CAB39: variants seen among roughly 807,000 people sequenced by gnomAD.
CAB39 encodes the protein calcium-binding protein 39.
In CAB39, 8 loss-of-function variants were observed where a neutral mutation model predicts 40.0. That is an observed-to-expected ratio of 0.20 (90% CI 0.12 to 0.36). CAB39 has a LOEUF of 0.36. CAB39 is among the 10% of genes least tolerant of loss of function. The pLI is 1.00. For synonymous variants in CAB39, 156 were observed against 141.6 expected, an observed-to-expected ratio of 1.10 and a Z score of -0.72; for missense variants, 270 against 401.1, an observed-to-expected ratio of 0.67 and a Z score of 2.79.
chr2:230,763,745 C>T (rs1354744947), intron 2 of CAB39, among the ~76,000 whole-genome samples: 2 of 152,164 alleles, frequency 1.3e-5, no homozygotes, highest in Non-Finnish European at 2.9e-5. Context: ...CATTAAACTA[C>T]ATGAATGAAC....
chr2:230,738,264 A>G (rs1694820944), intron 1 of CAB39, among the ~76,000 whole-genome samples: 1 of 152,198 alleles, frequency 6.6e-6, no homozygotes, highest in Non-Finnish European at 1.5e-5. Context: ...CCTAGCGAAT[A>G]TGTACCACTT....
intron 2 of CAB39, among the ~76,000 whole-genome samples, chr2:230,787,083 T>C (rs1695806827): frequency 6.6e-6 from 1 of 152,184 alleles, no homozygotes; most frequent in African/African-American, 2.4e-5. Context: ...TAGATATTAG[T>C]GTAGGTGTAG....
rs374525852 is a variant in CAB39 at position 230,800,929 on chromosome 2, A to G, written c.567+2032A>G. On this transcript the variant is annotated intron_variant, in intron 5 of 8. Coordinates refer to ENST00000258418, the MANE Select transcript of CAB39 (RefSeq NM_016289.4). ...GAGAAAATGGCAGTGATGGATCGCTATGGGTAAAGCAGCCCTATCAGGTCA... is the reference window on the plus strand; with the variant it reads ...GAGAAAATGGCAGTGATGGATCGCTGTGGGTAAAGCAGCCCTATCAGGTCA... Among the ~76,000 whole-genome samples the G allele has an allele frequency of 1.5e-4, 23 of 152,070 alleles. No homozygotes were observed. In the South Asian group the frequency reaches 4.4e-3, roughly 29 times the overall value.
chr2:230,760,739 A>T (rs1695275000), intron 2 of CAB39, among the ~76,000 whole-genome samples: 2 of 152,054 alleles, frequency 1.3e-5, no homozygotes, highest in Non-Finnish European at 2.9e-5. Flanking sequence ...ACAGTCCAAA[A>T]CCCAACTTTC....
intron 5 of CAB39, among the ~76,000 whole-genome samples, chr2:230,803,722 A>G (rs1696135632): frequency 6.6e-6 from 1 of 152,252 alleles, no homozygotes; most frequent in South Asian, 2.1e-4. Context: ...TTCAAGGAGA[A>G]CTACAAACCA....
At chr2:230,809,578 A>G (rs539229707) in intron 5 of CAB39, among the ~76,000 whole-genome samples, 46 of 152,328 alleles carry the variant, frequency 3.0e-4, no homozygotes, top group African/African-American at 1.1e-3. Context: ...CCTAGCACCT[A>G]GAGTTTTACC....
At chr2:230,741,226 A>G (rs1694871555) in intron 1 of CAB39, among the ~76,000 whole-genome samples, 1 of 152,248 alleles carries the variant, frequency 6.6e-6, no homozygotes, top group South Asian at 2.1e-4. Flanking sequence ...TCTCATTCCC[A>G]GACACCACAC....
intron 1 of CAB39, among the ~76,000 whole-genome samples, chr2:230,757,663 T>A (rs1348117270): frequency 6.6e-6 from 1 of 152,180 alleles, no homozygotes; most frequent in Non-Finnish European, 1.5e-5. Context: ...CATAGCACCG[T>A]AACACTTCCT....
chr2:230,755,907 G>C (rs1695180119), intron 1 of CAB39, among the ~76,000 whole-genome samples: 1 of 152,176 alleles, frequency 6.6e-6, no homozygotes, highest in African/African-American at 2.4e-5. Context: ...CTTCCAACTT[G>C]GGCATCTCCA....
chr2:230,805,229 A>T (rs1033203296), intron 5 of CAB39, among the ~76,000 whole-genome samples: 1 of 151,652 alleles, frequency 6.6e-6, no homozygotes, highest in Non-Finnish European at 1.5e-5. Context: ...GGCGGGGAAC[A>T]TCAAACACCG....
At chr2:230,785,843 C>T (rs1221124599) in intron 2 of CAB39, among the ~76,000 whole-genome samples, 4 of 151,710 alleles carry the variant, frequency 2.6e-5, no homozygotes, top group Admixed American at 2.0e-4. Context: ...CCACCACACT[C>T]AGCTAACTTT....
At chr2:230,773,349 TTAC>T (rs1487326838) in intron 2 of CAB39, among the ~76,000 whole-genome samples, 10 of 150,580 alleles carry the variant, frequency 6.6e-5, no homozygotes, top group South Asian at 2.1e-4. Context: ...TGTGTGTGTG[TTAC>T]ATTAGGTACT....
chr2:230,754,305 T>TTTCTTCCTTCTTCCTTCTTCC (rs71052547), intron 1 of CAB39, among the ~76,000 whole-genome samples: 1 of 142,456 alleles, frequency 7.0e-6, no homozygotes, highest in Non-Finnish European at 1.5e-5. Flanking sequence ...TTCTTTCTTC[T>TTTCTTCCTTCTTCCTTCTTCC]TTCTTCCTTC....
chr2:230,723,595 C>T (rs1161197011), intron 1 of CAB39, among the ~76,000 whole-genome samples: 1 of 152,150 alleles, frequency 6.6e-6, no homozygotes, highest in Non-Finnish European at 1.5e-5. Flanking sequence ...CCCACACTGT[C>T]CTTGAAGGAC....
chr2:230,789,540 G>A (rs1354008633), intron 2 of CAB39, among the ~76,000 whole-genome samples: 1 of 152,176 alleles, frequency 6.6e-6, no homozygotes, highest in Non-Finnish European at 1.5e-5. Flanking sequence ...TTGATGACTA[G>A]TGAATATGAG....
At chr2:230,803,813 G>A (rs573459738) in intron 5 of CAB39, among the ~76,000 whole-genome samples, 4 of 152,264 alleles carry the variant, frequency 2.6e-5, no homozygotes, top group East Asian at 1.9e-4. Context: ...CATGAAAATG[G>A]CCATACTGCC....
At chr2:230,787,908 G>A (rs1167896516) in intron 2 of CAB39, among the ~76,000 whole-genome samples, 1 of 152,186 alleles carries the variant, frequency 6.6e-6, no homozygotes, top group Non-Finnish European at 1.5e-5. Context: ...GTGTAGTGAA[G>A]CAATGTTTGT....
chr2:230,803,164 A>G (rs1170415476), intron 5 of CAB39, among the ~76,000 whole-genome samples: 20 of 152,246 alleles, frequency 1.3e-4, no homozygotes, highest in Admixed American at 1.2e-3. Flanking sequence ...CCATGTGATT[A>G]TCTCAATAGA....
intron 1 of CAB39, among the ~76,000 whole-genome samples, chr2:230,745,730 G>T (rs1453237513): frequency 1.3e-5 from 2 of 152,104 alleles, no homozygotes; most frequent in Middle Eastern, 3.4e-3. Flanking sequence ...GGGTTAAAGC[G>T]ATTCTCCTGC....
Sources: gnomAD v4.1 joint callset for allele counts (sites outside exome capture counted in the v4.1 genomes callset) on GRCh38, gnomAD v4.1.1 for gene constraint, MANE v1.5 for transcripts, NCBI Gene and HGNC (gene_info 2026-07-23, HGNC 2026-07-21) for gene names.